Variants in MSI2 observed in about 807,000 individuals in gnomAD.
The protein encoded by MSI2 is musashi RNA binding protein 2, also known as RNA-binding protein Musashi homolog 2.
A neutral mutation model predicts 45.6 loss-of-function variants in MSI2; 17 were observed. The ratio of observed to expected loss-of-function variants is 0.37; its 90% confidence interval spans 0.26 to 0.56. The LOEUF is 0.56. MSI2 is among the 20% of genes least tolerant of loss of function. The pLI is 0.77. For missense variants in MSI2, 293 were observed against 444.2 expected (o/e 0.66, Z 3.06); for synonymous variants, 156 against 158.2 (o/e 0.99, Z 0.11).
chr17:57,636,927 G>A (rs1227887916), intron 10 of MSI2, among the ~76,000 whole-genome samples: 2 of 152,144 alleles, frequency 1.3e-5, no homozygotes, highest in Non-Finnish European at 1.5e-5. Context: ...GCATGGACTC[G>A]TGCGTCCAGG....
chr17:57,331,062 C>T (rs1168478940), intron 5 of MSI2, among the ~76,000 whole-genome samples: 1 of 152,028 alleles, frequency 6.6e-6, no homozygotes, highest in Non-Finnish European at 1.5e-5. Context: ...TACAGGCACG[C>T]ACCACCATGC....
chr17:57,675,030 C>A lies in MSI2; in HGVS notation c.849C>A (p.Ala283=). 1 of 1,613,986 alleles carries A rather than the reference C, an allele frequency of 6.2e-7. No individual in the cohort carries two copies. Among genetic ancestry groups the A allele is most frequent in the Non-Finnish European group, 8.5e-7 (1 of 1,179,996 alleles). The change falls in exon 12 of 14, where the codon GCC becomes GCA. Residue 283 remains alanine (A), a synonymous_variant. Coordinates refer to ENST00000284073, the MANE Select transcript of MSI2 (RefSeq NM_138962.4). ...GGGCCAACAGCCCAGGACCTGTCGC[C>A]GATCTCTACGGCCCTGCCAGCCAGG... is the stretch of plus-strand genomic sequence containing the variant. ...FPGANSPGPV[A]DLYGPASQDS...
At chr17:57,521,864 G>T (rs1174212956) in intron 6 of MSI2, among the ~76,000 whole-genome samples, 1 of 152,170 alleles carries the variant, frequency 6.6e-6, no homozygotes, top group African/African-American at 2.4e-5. Flanking sequence ...ATTTCAGAAT[G>T]AACCAATGGG....
chr17:57,556,790 TA>T (rs1413963291), intron 7 of MSI2, among the ~76,000 whole-genome samples: 1 of 152,224 alleles, frequency 6.6e-6, no homozygotes, highest in African/African-American at 2.4e-5. Context: ...ATCTACAAAG[TA>T]CTTTTACCCA....
chr17:57,437,816 G>A (rs1196297530), intron 6 of MSI2, among the ~76,000 whole-genome samples: 1 of 152,140 alleles, frequency 6.6e-6, no homozygotes, highest in Non-Finnish European at 1.5e-5. Flanking sequence ...GTGATAAAGT[G>A]CATCTTTTTT....
chr17:57,557,824 A>C (rs2087473705), intron 7 of MSI2, among the ~76,000 whole-genome samples: 1 of 152,264 alleles, frequency 6.6e-6, no homozygotes, highest in Non-Finnish European at 1.5e-5. Flanking sequence ...TTAAAAGAGC[A>C]GAACTGTTTT....
Position 57,325,054 on chromosome 17 carries a change from A to G in MSI2, c.312+62862A>G, listed in dbSNP as rs2143693013. ...TTATCACAGCACAGTTCCCAGTTGCAAAGATATGGAGCCAACCTAAGTGCC... is the reference window on the plus strand; with the variant it reads ...TTATCACAGCACAGTTCCCAGTTGCGAAGATATGGAGCCAACCTAAGTGCC... On this transcript the variant is annotated intron_variant, in intron 5 of 13. Transcript: ENST00000284073. Among the ~76,000 whole-genome samples, 2 of 152,344 alleles carry G rather than the reference A, an allele frequency of 1.3e-5. 1 individual carries two copies. The highest frequency in any genetic ancestry group is 4.1e-4 in the South Asian group (2 of 4,830).
intron 6 of MSI2, among the ~76,000 whole-genome samples, chr17:57,438,683 A>C (rs997662121): frequency 1.3e-5 from 2 of 152,106 alleles, no homozygotes; most frequent in Non-Finnish European, 2.9e-5. Flanking sequence ...GTATTTTAGG[A>C]GGGGGAAAAT....
At chr17:57,560,997 T>C (rs933066618) in intron 7 of MSI2, among the ~76,000 whole-genome samples, 1 of 152,212 alleles carries the variant, frequency 6.6e-6, no homozygotes, top group Non-Finnish European at 1.5e-5. Flanking sequence ...TGCTCCCTGC[T>C]TCAGGGGAAA....
chr17:57,513,146 G>A (rs1273911518), intron 6 of MSI2, among the ~76,000 whole-genome samples: 2 of 151,732 alleles, frequency 1.3e-5, no homozygotes, highest in Non-Finnish European at 2.9e-5. Context: ...GCTAATTTTT[G>A]TATTTTTAGT....
At chr17:57,256,974 C>A in intron 1 of MSI2, 124 bp from the exon 2 acceptor site, 1 of 1,520,674 alleles carries the variant, frequency 6.6e-7, no homozygotes, top group Non-Finnish European at 8.9e-7. Flanking sequence ...ACCTTCTCCC[C>A]CACCCCACCT....
chr17:57,616,084 G>A lies in MSI2; in HGVS notation c.652G>A (p.Gly218Arg). The change falls in exon 9 of 14, where the codon GGA becomes AGA. Residue 218 changes from glycine (G) to arginine (R), a missense_variant and splice_region_variant. Coordinates refer to ENST00000284073, the MANE Select transcript of MSI2 (RefSeq NM_138962.4). ...GTTCATGCTTGGCATGGGGATGCTG[G>A]GTGAGTCTGGACAGGACCGCAGGTC... ...DAFMLGMGML[G>R]YPNFVATYGR... 6.2e-7 allele frequency: 1 copy of A among 1,613,268 alleles called. No homozygotes were observed. Among genetic ancestry groups the A allele is most frequent in the Non-Finnish European group, 8.5e-7 (1 of 1,179,376 alleles).
intron 6 of MSI2, among the ~76,000 whole-genome samples, chr17:57,443,768 T>A (rs2084845262): frequency 6.6e-6 from 1 of 152,140 alleles, no homozygotes; most frequent in Admixed American, 6.5e-5. Flanking sequence ...TCTCTGTACC[T>A]CAGTTCCTCC....
chr17:57,431,528 A>T (rs561235292), intron 6 of MSI2, among the ~76,000 whole-genome samples: 1 of 152,132 alleles, frequency 6.6e-6, no homozygotes, highest in Admixed American at 6.5e-5. Flanking sequence ...CATGTCTTTT[A>T]TATAACCTGC....
intron 5 of MSI2, among the ~76,000 whole-genome samples, chr17:57,287,818 C>T (rs1910059082): frequency 6.6e-6 from 1 of 152,168 alleles, no homozygotes. Flanking sequence ...GCTGGCAATG[C>T]CATTGTGCGT....
chr17:57,286,150 G>A, intron 5 of MSI2: 1 of 562,392 alleles, frequency 1.8e-6, no homozygotes, highest in Non-Finnish European at 2.8e-6. Context: ...GGGATTTTGA[G>A]AGAATAATTT....
intron 5 of MSI2, among the ~76,000 whole-genome samples, chr17:57,363,771 AC>A: frequency 8.1e-6 from 1 of 122,768 alleles, no homozygotes; most frequent in South Asian, 2.3e-4. Flanking sequence ...AACAACAACA[AC>A]AAACAACAAC....
intron 6 of MSI2, among the ~76,000 whole-genome samples, chr17:57,421,300 CAT>C (rs1941503624): frequency 6.6e-6 from 1 of 152,156 alleles, no homozygotes; most frequent in African/African-American, 2.4e-5. Context: ...ACTGAGAGGT[CAT>C]GTGATTACTT....
intron 6 of MSI2, among the ~76,000 whole-genome samples, chr17:57,454,499 C>A (rs1333589283): frequency 6.8e-6 from 1 of 147,466 alleles, no homozygotes; most frequent in East Asian, 2.0e-4. Context: ...TGCAGTGGCA[C>A]GATCTTGGCT....
Sources: allele counts gnomAD v4.1 joint callset (sites outside exome capture counted in the v4.1 genomes callset), GRCh38; gene constraint gnomAD v4.1.1; transcripts MANE v1.5; gene names NCBI Gene and HGNC (gene_info 2026-07-23, HGNC 2026-07-21).